The following SLC41A3 variants were observed in gnomAD, a reference collection of about 807,000 sequenced individuals.
SLC41A3 encodes the protein solute carrier family 41 member 3, also known as SLC41A1-like 2.
SLC41A3 carries 44 observed loss-of-function variants against 45.4 expected under a neutral mutation model. The ratio of observed to expected loss-of-function variants is 0.97; its 90% confidence interval spans 0.76 to 1.25. SLC41A3 has a LOEUF of 1.25. Among genes scored for constraint, SLC41A3 ranks in the 50% most tolerant of loss-of-function variants. The pLI is 0.00. For missense variants in SLC41A3, 550 were observed against 600.6 expected, an observed-to-expected ratio of 0.92 and a Z score of 0.88; for synonymous variants, 256 against 252.4, an observed-to-expected ratio of 1.01 and a Z score of -0.13.
chr3:126,032,865 G>C (rs138694921), intron 4 of SLC41A3, among the ~76,000 whole-genome samples: 2 of 152,258 alleles, frequency 1.3e-5, no homozygotes, highest in East Asian at 3.9e-4. Flanking sequence ...CATATTCTCA[G>C]TGCTGTCACA....
intron 1 of SLC41A3, among the ~76,000 whole-genome samples, chr3:126,094,194 G>A (rs1465572202): frequency 6.6e-6 from 1 of 152,158 alleles, no homozygotes; most frequent in African/African-American, 2.4e-5. Context: ...TATGTCCCTG[G>A]TATGGGACTA....
chr3:126,093,636 T>C (rs540285092), intron 1 of SLC41A3, among the ~76,000 whole-genome samples: 33 of 152,374 alleles, frequency 2.2e-4, no homozygotes, highest in African/African-American at 7.9e-4. Flanking sequence ...ACAGGAGTCA[T>C]TGATTTAGAT....
intron 4 of SLC41A3, among the ~76,000 whole-genome samples, chr3:126,031,094 T>C (rs974585395): frequency 6.6e-6 from 1 of 152,246 alleles, no homozygotes. Context: ...AAACTTTTTA[T>C]GTTTAAACAA....
chr3:126,022,660 G>C lies in SLC41A3; in HGVS notation c.745+126C>G, dbSNP rs763086416. 2.9e-5 allele frequency: 35 copies of C among 1,212,014 alleles called. No individual in the cohort carries two copies. The Middle Eastern group carries it at 1.1e-3, about 39-fold the overall frequency. 75.1% of individuals were successfully genotyped at this position (1,212,014 alleles called of 1,614,324 possible). The stretch of plus-strand genomic sequence containing the variant: ...GTTAAGTTTCCAACACATGAAATGT[G>C]GGGGACACATTCAAACAACAGCACA... On this transcript the variant is annotated intron_variant, in intron 6 of 10. Coordinates refer to ENST00000360370, the MANE Select transcript of SLC41A3 (RefSeq NM_017836.4).
Position 126,026,427 on chromosome 3 carries a change from C to A in SLC41A3, c.506G>T (p.Gly169Val), listed in dbSNP as rs776892072. ...ATCCACTTCCTCTCGAGACACCACGCCCAACAGCAGCGCAGCCACAGCAGC... is the reference window on the plus strand; with the variant it reads ...ATCCACTTCCTCTCGAGACACCACGACCAACAGCAGCGCAGCCACAGCAGC... ...LLAAVAALLL[G>V]VVSREEVDVA... The change falls in exon 5 of 11, where the codon GGC becomes GTC. Residue 169 changes from glycine (G) to valine (V), a missense_variant. By Grantham distance (109) the Gly-to-Val change is moderately radical. Transcript: ENST00000360370. This position sits in a 1 kb window ranked among gnomAD's most constrained non-coding sequence, Gnocchi z 4.2. The A allele has an allele frequency of 6.9e-6, 11 of 1,598,490 alleles. No individual in the cohort carries two copies. The African/African-American group carries it at 1.1e-4, about 16-fold the overall frequency.
At chr3:126,101,270 A>AGT (rs1945704391) in intron 1 of SLC41A3, among the ~76,000 whole-genome samples, 4 of 152,228 alleles carry the variant, frequency 2.6e-5, no homozygotes, top group Non-Finnish European at 4.4e-5. Flanking sequence ...GTTGACTAGA[A>AGT]CTTGGTTCCA....
At chr3:126,034,089 G>C (rs1942011339) in intron 3 of SLC41A3, among the ~76,000 whole-genome samples, 1 of 152,180 alleles carries the variant, frequency 6.6e-6, no homozygotes, top group Non-Finnish European at 1.5e-5. Flanking sequence ...GCAGACCTCA[G>C]TCAAGGCCTC....
chr3:126,016,273 A>G (rs1940268983), intron 7 of SLC41A3, among the ~76,000 whole-genome samples: 1 of 148,872 alleles, frequency 6.7e-6, no homozygotes, highest in African/African-American at 2.4e-5. Flanking sequence ...CTAACCCCAC[A>G]GCTGTCTAGG....
Position 126,007,052 on chromosome 3 carries a change from C to G in SLC41A3, c.1428G>C (p.Leu476=). 6.2e-7 allele frequency: 1 copy of G among 1,614,200 alleles called. No homozygotes were observed. The highest frequency in any genetic ancestry group is 8.5e-7 in the Non-Finnish European group (1 of 1,180,024). Residue 476 remains leucine, a synonymous_variant, in exon 11 of 11, where the codon CTG becomes CTC. Transcript: ENST00000360370. ...TDWLLKSKAE[L]GGISELASGP... ...CAGATGCCAGTTCTGAGATGCCACCCAGCTCTGCCTTGCTCTTCAGTAGCC... is the reference window on the plus strand; with the variant it reads ...CAGATGCCAGTTCTGAGATGCCACCGAGCTCTGCCTTGCTCTTCAGTAGCC...
rs1209126251 is a variant in SLC41A3 at position 126,026,239 on chromosome 3, C to T, written c.598+96G>A. 3 of 1,493,390 alleles carry T rather than the reference C, an allele frequency of 2.0e-6. No individual in the cohort carries two copies. The East Asian group carries it at 7.4e-5, about 37-fold the overall frequency. The allele number at this position is 1,493,390 out of a possible 1,614,324, so 92.5% of individuals were successfully genotyped here. A position where few individuals can be genotyped will look rare whatever the true frequency, so the allele number is the denominator to read the frequency against. On this transcript the variant is annotated intron_variant, in intron 5 of 10. Transcript: ENST00000360370. The surrounding 1 kb of genome is among the most constrained non-coding windows in gnomAD (Gnocchi z 4.2). ...ACCATCAGTCCCATTAGCAGTGGGACTCACACCCCCAGAAACTGAAAACAC... is the reference window on the plus strand; with the variant it reads ...ACCATCAGTCCCATTAGCAGTGGGATTCACACCCCCAGAAACTGAAAACAC...
intron 1 of SLC41A3, among the ~76,000 whole-genome samples, chr3:126,071,986 G>C (rs976754534): frequency 1.3e-5 from 2 of 151,872 alleles, no homozygotes; most frequent in African/African-American, 2.4e-5. Flanking sequence ...TGTTGCTCAG[G>C]CTGGTCTCAA....
intron 3 of SLC41A3, among the ~76,000 whole-genome samples, chr3:126,049,549 T>C (rs1269884252): frequency 6.6e-6 from 1 of 152,160 alleles, no homozygotes; most frequent in Non-Finnish European, 1.5e-5. Context: ...CAGAGATTAC[T>C]ATCAACATTT....
intron 2 of SLC41A3, among the ~76,000 whole-genome samples, chr3:126,057,696 T>C (rs1463709307): frequency 1.3e-5 from 2 of 152,254 alleles, no homozygotes; most frequent in African/African-American, 4.8e-5. Flanking sequence ...TCCCCAAGGC[T>C]GTCCCTGCAA....
Position 126,053,300 on chromosome 3 carries a change from T to C in SLC41A3, c.274-2250A>G, listed in dbSNP as rs539888744. 1.9e-3 allele frequency among the ~76,000 whole-genome samples: 289 copies of C among 152,308 alleles called. 1 individual carries two copies. The highest frequency in any genetic ancestry group is 3.1e-3 in the Admixed American group (47 of 15,296). On this transcript the variant is annotated intron_variant, in intron 2 of 10. Transcript: ENST00000360370. ...CTAGACATGCACAGAGGGGAGACCA[T>C]GTGAAGACACAGGGCCATCTGCAAA...
chr3:126,096,398 A>G (rs564237150), intron 1 of SLC41A3, among the ~76,000 whole-genome samples: 1 of 152,284 alleles, frequency 6.6e-6, no homozygotes, highest in East Asian at 1.9e-4. Context: ...CACCCCAAAA[A>G]AAAACATGGC....
intron 8 of SLC41A3, among the ~76,000 whole-genome samples, chr3:126,014,991 C>G (rs908330768): frequency 2.0e-5 from 3 of 152,190 alleles, no homozygotes; most frequent in Non-Finnish European, 4.4e-5. Flanking sequence ...CTGTCTCAGG[C>G]ACTGCTGCAG....
intron 4 of SLC41A3, among the ~76,000 whole-genome samples, chr3:126,027,504 T>C (rs1036862886): frequency 2.0e-5 from 3 of 152,186 alleles, no homozygotes; most frequent in African/African-American, 7.2e-5. Context: ...AAACCTCTTT[T>C]GTTTATAAAT....
chr3:126,083,691 A>C (rs1159347331), intron 1 of SLC41A3, among the ~76,000 whole-genome samples: 1 of 151,870 alleles, frequency 6.6e-6, no homozygotes, highest in East Asian at 2.0e-4. Flanking sequence ...AGGAAGGAGG[A>C]GACAGGGCCG....
At chr3:126,055,042 G>C (rs6799100) in intron 2 of SLC41A3, among the ~76,000 whole-genome samples, 100,030 of 151,810 alleles carry the variant, frequency 0.66, 33,205 homozygotes, top group Middle Eastern at 0.72. Flanking sequence ...CGTGAGCTCA[G>C]ATTAGGAGGC....
Sources: gnomAD v4.1 joint callset for allele counts (sites outside exome capture counted in the v4.1 genomes callset) on GRCh38, gnomAD v4.1.1 for gene constraint, Gnocchi (gnomAD v3.1) non-coding constraint, MANE v1.5 for transcripts, NCBI Gene and HGNC (gene_info 2026-07-23, HGNC 2026-07-21) for gene names.